Variants in ZNF236 observed in about 807,000 individuals in gnomAD.
The protein encoded by ZNF236 is zinc finger protein 236, also known as regulated by glucose.
In ZNF236, 50 loss-of-function variants were observed where a neutral mutation model predicts 191.2. That is an observed-to-expected ratio of 0.26 (90% CI 0.21 to 0.33). The LOEUF (loss-of-function observed/expected upper bound fraction) is 0.33. Among genes scored for constraint, ZNF236 ranks in the 10% least tolerant of loss-of-function variants. The pLI, the probability that ZNF236 is intolerant of heterozygous loss-of-function variation, is 1.00. For synonymous variants in ZNF236, 907 were observed against 928.8 expected, an observed-to-expected ratio of 0.98 and a Z score of 0.43; for missense variants, 1,754 against 2,374.5, an observed-to-expected ratio of 0.74 and a Z score of 5.43.
chr18:76,910,538 T>A, intron 15 of ZNF236, 122 bp from the exon 16 acceptor site: 2 of 993,212 alleles, frequency 2.0e-6, no homozygotes, highest in Non-Finnish European at 2.9e-6. Flanking sequence ...CAGCTAGTCC[T>A]AATTCTAATT....
intron 26 of ZNF236, 24 bp downstream of exon 26, chr18:76,937,367 G>A: frequency 6.5e-7 from 1 of 1,547,430 alleles, no homozygotes; most frequent in Non-Finnish European, 8.8e-7. Context: ...AGAGAGGGAT[G>A]CGAAGGTCCT....
rs377174266 is a variant in ZNF236, at chr18:76,910,168, A to G, written c.2652A>G (p.Gln884=). 1 of 1,610,130 alleles carries G rather than the reference A, an allele frequency of 6.2e-7. No homozygotes were observed. The highest frequency in any genetic ancestry group is 8.5e-7 in the Non-Finnish European group (1 of 1,176,764). ...CCTTCGAACCAGCAGGGCTACCCCA[A>G]GGTCAGTGGTGGGTTTTCAATGAAA... The part of the protein sequence containing the change: ...QQSFEPAGLP[Q]GFTVTDTYHQ... Residue 884 remains glutamine, a splice_region_variant and synonymous_variant, in exon 15 of 31, where the codon CAA becomes CAG. Transcript: ENST00000320610.
chr18:76,926,737 G>T (rs1438673319), intron 22 of ZNF236, among the ~76,000 whole-genome samples: 3 of 3,140 alleles, frequency 9.6e-4, no homozygotes, highest in African/African-American at 3.1e-3. Context: ...CCATGTGTGT[G>T]TATGGTATAA....
rs1288625924 is a variant in ZNF236, at chr18:76,904,289, T to C, written c.1895-91T>C. The stretch of plus-strand genomic sequence containing the variant: ...ATTAGAATCTAACTTACCAGAATTT[T>C]CATCTTCTGGGTAAAACATGTGCCT... On this transcript the variant is annotated intron_variant, in intron 11 of 30. Coordinates refer to ENST00000320610, the MANE Select transcript of ZNF236 (RefSeq NM_001306089.2). 1.3e-5 allele frequency: 17 copies of C among 1,301,002 alleles called. No individual in the cohort carries two copies. In the Middle Eastern group the frequency reaches 5.9e-4, roughly 45 times the overall value. The allele number at this position is 1,301,002 out of a possible 1,614,324, so 80.6% of individuals were successfully genotyped here.
chr18:76,937,564 T>G (rs1226264464), intron 26 of ZNF236, among the ~76,000 whole-genome samples: 1 of 152,136 alleles, frequency 6.6e-6, no homozygotes, highest in Non-Finnish European at 1.5e-5. Context: ...AACCCAAAGC[T>G]GTAATCCCAC....
chr18:76,884,278 G>A (rs1328732244), intron 9 of ZNF236, among the ~76,000 whole-genome samples: 1 of 151,858 alleles, frequency 6.6e-6, no homozygotes, highest in Non-Finnish European at 1.5e-5. Context: ...GCGGGCACCT[G>A]TAATCCCAGC....
intron 27 of ZNF236, among the ~76,000 whole-genome samples, chr18:76,954,398 G>C (rs1262780946): frequency 6.6e-6 from 1 of 152,146 alleles, no homozygotes; most frequent in East Asian, 1.9e-4. Context: ...ACATTAGGTC[G>C]CTCCATAACT....
At chr18:76,926,223 G>A (rs1230164185) in intron 22 of ZNF236, among the ~76,000 whole-genome samples, 1 of 151,680 alleles carries the variant, frequency 6.6e-6, no homozygotes, top group Non-Finnish European at 1.5e-5. Flanking sequence ...ATGGTATAAA[G>A]TGTATCTGTT....
At chr18:76,942,401 AT>A (rs1276557801) in intron 26 of ZNF236, among the ~76,000 whole-genome samples, 1 of 152,200 alleles carries the variant, frequency 6.6e-6, no homozygotes, top group Non-Finnish European at 1.5e-5. Flanking sequence ...ATTATGTATT[AT>A]TTTTTGTTTC....
intron 3 of ZNF236, among the ~76,000 whole-genome samples, chr18:76,866,166 T>C (rs1976397083): frequency 6.6e-6 from 1 of 152,226 alleles, no homozygotes; most frequent in African/African-American, 2.4e-5. Context: ...AAACAACACA[T>C]GCATGCCCAC....
chr18:76,878,210 T>A (rs181404699), intron 7 of ZNF236, 58 bp downstream of exon 7: 3 of 1,508,690 alleles, frequency 2.0e-6, no homozygotes, highest in African/African-American at 2.7e-5. Context: ...ATTTTAAATA[T>A]GACCTTTACA....
At chr18:76,905,545 GAAAAAAAAAAAA>G (rs1159878664) in intron 13 of ZNF236, 130 bp downstream of exon 13, 4 of 63,980 alleles carry the variant, frequency 6.3e-5, no homozygotes, top group East Asian at 7.9e-4. Context: ...ATGGGCTCAA[GAAAAAAAAAAAA>G]AAAAAAAAAA....
At chr18:76,861,444 A>G (rs558493578) in intron 3 of ZNF236, among the ~76,000 whole-genome samples, 1 of 152,282 alleles carries the variant, frequency 6.6e-6, no homozygotes, top group East Asian at 1.9e-4. Flanking sequence ...CCAGTGATCT[A>G]GTGGTTGGGC....
At chr18:76,841,298 C>G (rs1975493223) in intron 1 of ZNF236, among the ~76,000 whole-genome samples, 1 of 152,156 alleles carries the variant, frequency 6.6e-6, no homozygotes, top group South Asian at 2.1e-4. Context: ...GTCTTGAACC[C>G]CTGACCTCAG....
At chr18:76,840,152 A>T (rs1975437507) in intron 1 of ZNF236, among the ~76,000 whole-genome samples, 1 of 152,218 alleles carries the variant, frequency 6.6e-6, no homozygotes, top group African/African-American at 2.4e-5. Flanking sequence ...ATACAAATTT[A>T]CAGGTAGTAA....
chr18:76,880,029 A>C lies in ZNF236; in HGVS notation c.985-84A>C. The C allele has an allele frequency of 1.1e-5, 12 of 1,140,502 alleles. No individual in the cohort carries two copies. The highest frequency in any genetic ancestry group is 1.5e-5 in the Non-Finnish European group (12 of 817,684). 70.6% of individuals were successfully genotyped at this position (1,140,502 alleles called of 1,614,324 possible). ...AGATTTTAACACCCTTAAGGAGGGT[A>C]TTGCCTGTTTTTTTTTTTTTAATTT... On this transcript the variant is annotated intron_variant, in intron 7 of 30. Coordinates refer to ENST00000320610, the MANE Select transcript of ZNF236 (RefSeq NM_001306089.2). This position sits in a 1 kb window ranked among gnomAD's most constrained non-coding sequence, Gnocchi z 5.0.
intron 1 of ZNF236, among the ~76,000 whole-genome samples, chr18:76,842,782 T>C (rs1354508709): frequency 6.6e-6 from 1 of 151,228 alleles, no homozygotes; most frequent in Non-Finnish European, 1.5e-5. Flanking sequence ...CCATTCAGAA[T>C]ATATTACTTT....
At chr18:76,876,214 G>T (rs1486638691) in intron 6 of ZNF236, among the ~76,000 whole-genome samples, 3 of 150,968 alleles carry the variant, frequency 2.0e-5, no homozygotes, top group Non-Finnish European at 4.4e-5. Context: ...TGTAGATCCT[G>T]CAAGTATTTC....
In ZNF236 at chr18:76,895,294, T is replaced by C; in HGVS notation, c.1690+9T>C. ...CATTCGCCTGCACACAGGTATGGCC[T>C]CAGGGCTGGGCCCACACGGGCACTG... On this transcript the variant is annotated intron_variant, in intron 10 of 30. Coordinates refer to ENST00000320610, the MANE Select transcript of ZNF236 (RefSeq NM_001306089.2). The C allele has an allele frequency of 6.3e-7, 1 of 1,597,050 alleles. No homozygotes were observed. The highest frequency in any genetic ancestry group is 8.5e-7 in the Non-Finnish European group (1 of 1,178,052).
Sources: gnomAD v4.1 joint callset for allele counts (sites outside exome capture counted in the v4.1 genomes callset) on GRCh38, gnomAD v4.1.1 for gene constraint, Gnocchi (gnomAD v3.1) non-coding constraint, MANE v1.5 for transcripts, NCBI Gene and HGNC (gene_info 2026-07-23, HGNC 2026-07-21) for gene names.